The following SYT9 variants were observed in gnomAD, a reference collection of about 807,000 sequenced individuals.
SYT9 encodes synaptotagmin-9.
A neutral mutation model predicts 48.4 loss-of-function variants in SYT9; 22 were observed. That is an observed-to-expected ratio of 0.45 (90% CI 0.32 to 0.65). The LOEUF (loss-of-function observed/expected upper bound fraction) is 0.65, where lower values mean the gene tolerates loss of function less well. SYT9 is among the 30% of genes least tolerant of loss of function. The probability of loss-of-function intolerance (pLI) is 0.03; values close to 1 mark genes in which losing one functional copy is unlikely to be tolerated. For synonymous variants in SYT9, 265 were observed against 245.0 expected, an observed-to-expected ratio of 1.08 and a Z score of -0.76; for missense variants, 577 against 622.0, an observed-to-expected ratio of 0.93 and a Z score of 0.77.
chr11:7,398,708 C>A (rs907298326), intron 3 of SYT9, among the ~76,000 whole-genome samples: 22 of 152,074 alleles, frequency 1.4e-4, no homozygotes, highest in African/African-American at 5.1e-4. Context: ...GTTAAGCATC[C>A]CTATTCCAAA....
At chr11:7,440,582 A>C (rs1035969397) in intron 6 of SYT9, 3 of 152,252 alleles carry the variant, frequency 2.0e-5, no homozygotes, top group African/African-American at 7.2e-5. Context: ...CCAGAAGTGA[A>C]CATGGTGGTA....
chr11:7,381,503 A>G (rs1019871240), intron 3 of SYT9, among the ~76,000 whole-genome samples: 1 of 152,170 alleles, frequency 6.6e-6, no homozygotes, highest in African/African-American at 2.4e-5. Context: ...GTCATCCTAG[A>G]CAGTGGGCCC....
intron 1 of SYT9, among the ~76,000 whole-genome samples, chr11:7,246,083 CCTT>C (rs1847787869): frequency 3.9e-5 from 6 of 151,948 alleles, no homozygotes; most frequent in African/African-American, 1.5e-4. Flanking sequence ...TTCTCTTTGT[CCTT>C]CTCTCAAAAG....
At chr11:7,254,626 A>T (rs1847933145) in intron 1 of SYT9, among the ~76,000 whole-genome samples, 1 of 152,212 alleles carries the variant, frequency 6.6e-6, no homozygotes, top group South Asian at 2.1e-4. Flanking sequence ...GCCCTGAGAC[A>T]TGGGTTCCTA....
intron 6 of SYT9, among the ~76,000 whole-genome samples, chr11:7,445,358 G>A (rs1224271807): frequency 6.6e-6 from 1 of 152,212 alleles, no homozygotes; most frequent in Non-Finnish European, 1.5e-5. Flanking sequence ...GGCTGGGACT[G>A]CCCCTGGGCT....
intron 2 of SYT9, among the ~76,000 whole-genome samples, chr11:7,313,174 C>A (rs1053309873): frequency 6.6e-6 from 1 of 152,150 alleles, no homozygotes; most frequent in Non-Finnish European, 1.5e-5. Context: ...TTACTAGGTT[C>A]ATTTCCTGAT....
At chr11:7,424,582 A>G (rs1296876859) in intron 6 of SYT9, among the ~76,000 whole-genome samples, 2 of 152,210 alleles carry the variant, frequency 1.3e-5, no homozygotes, top group East Asian at 3.8e-4. Flanking sequence ...TGTTGTATGA[A>G]TAAGTACTAA....
intron 3 of SYT9, among the ~76,000 whole-genome samples, chr11:7,415,486 G>GA (rs1333629038): frequency 6.6e-6 from 1 of 152,098 alleles, no homozygotes; most frequent in African/African-American, 2.4e-5. Context: ...TCGCAAGTTT[G>GA]AGGGGGCTGT....
rs138565601 is a variant in SYT9 at position 7,273,481 on chromosome 11, A to G, written c.145+21150A>G. ...AAGAAGAACATAGTTAAAGTGCGAG[A>G]GAGAACCCAGTATTTATTTCTTCTG... On this transcript the variant is annotated intron_variant, in intron 1 of 6. Transcript: ENST00000318881. 2.8e-3 allele frequency among the ~76,000 whole-genome samples: 426 copies of G among 152,306 alleles called. 3 individuals carry two copies. The Middle Eastern group carries it at 0.061, about 22-fold the overall frequency.
intron 1 of SYT9, among the ~76,000 whole-genome samples, chr11:7,244,612 G>A (rs941337130): frequency 6.6e-6 from 1 of 152,200 alleles, no homozygotes; most frequent in Non-Finnish European, 1.5e-5. Flanking sequence ...GCATTTGATG[G>A]GAGTGCTAAT....
chr11:7,364,217 A>G (rs6578855), intron 3 of SYT9, among the ~76,000 whole-genome samples: 64,257 of 151,922 alleles, frequency 0.42, 13,965 homozygotes, highest in African/African-American at 0.46. Flanking sequence ...ATCTCCCAAC[A>G]TTGGAAGAAG....
rs571454205 is a variant in SYT9 at position 7,310,287 on chromosome 11, C to T, written c.498-3108C>T. 3.9e-5 allele frequency among the ~76,000 whole-genome samples: 6 copies of T among 151,952 alleles called. No individual in the cohort carries two copies. The East Asian group carries it at 1.2e-3, about 29-fold the overall frequency. The stretch of plus-strand genomic sequence containing the variant: ...TAGCTGGGACTACAGGTGTGTGCCA[C>T]TATGCCTGGCTAATTTTTGTATCTC... On this transcript the variant is annotated intron_variant, in intron 2 of 6. Transcript: ENST00000318881.
chr11:7,245,427 TTTTTTG>T (rs929292139), intron 1 of SYT9, among the ~76,000 whole-genome samples: 47 of 152,176 alleles, frequency 3.1e-4, no homozygotes, highest in African/African-American at 1.1e-3. Context: ...TCTCTCTTTT[TTTTTTG>T]TTTTTGTTTT....
chr11:7,380,102 A>T (rs1048727099), intron 3 of SYT9, among the ~76,000 whole-genome samples: 3 of 152,176 alleles, frequency 2.0e-5, no homozygotes, highest in African/African-American at 7.2e-5. Flanking sequence ...ATGGAGTACT[A>T]CTCAGCCATA....
intron 1 of SYT9, among the ~76,000 whole-genome samples, chr11:7,258,820 G>T (rs73405485): frequency 0.018 from 2,686 of 152,130 alleles, 74 homozygotes; most frequent in African/African-American, 0.059. Flanking sequence ...CCACAAACAT[G>T]TATATGTTTT....
intron 3 of SYT9, among the ~76,000 whole-genome samples, chr11:7,415,793 G>A (rs1847233839): frequency 2.0e-5 from 3 of 152,262 alleles, no homozygotes; most frequent in Middle Eastern, 3.4e-3. Flanking sequence ...GATACATGGT[G>A]GCAGAGGCCT....
At chr11:7,411,525 T>C (rs1847136199) in intron 3 of SYT9, among the ~76,000 whole-genome samples, 1 of 152,224 alleles carries the variant, frequency 6.6e-6, no homozygotes, top group Non-Finnish European at 1.5e-5. Flanking sequence ...TGGCTTTTTT[T>C]CTTCACCACT....
intron 6 of SYT9, among the ~76,000 whole-genome samples, chr11:7,466,407 C>G (rs1331320594): frequency 6.6e-6 from 1 of 152,142 alleles, no homozygotes; most frequent in East Asian, 1.9e-4. Context: ...CCATGCCTGG[C>G]ACTTGTTTGG....
At chr11:7,247,496 TATATACAC>T (rs1285608510), upstream of SYT9, among the ~76,000 whole-genome samples, 16 of 149,756 alleles carry the variant, frequency 1.1e-4, no homozygotes, top group African/African-American at 3.9e-4. Context: ...CACACACATA[TATATACAC>T]ATATATACAT....
Sources: gnomAD v4.1 joint callset for allele counts (sites outside exome capture counted in the v4.1 genomes callset) on GRCh38, gnomAD v4.1.1 for gene constraint, MANE v1.5 for transcripts, NCBI Gene and HGNC (gene_info 2026-07-23, HGNC 2026-07-21) for gene names.